Variants in FNDC1 observed in about 807,000 individuals in gnomAD.
FNDC1 encodes the protein fibronectin type III domain-containing protein 1.
FNDC1 carries 96 observed loss-of-function variants against 168.0 expected under a neutral mutation model. The ratio of observed to expected loss-of-function variants is 0.57; its 90% confidence interval spans 0.48 to 0.68. FNDC1 has a LOEUF of 0.68. Ranked by LOEUF, FNDC1 falls within the 30% of genes least tolerant of loss-of-function variation. FNDC1 has a pLI of 0.00. For missense variants in FNDC1, 2,587 were observed against 2,482.1 expected (o/e 1.04, Z -0.90); for synonymous variants, 1,099 against 1,025.9 (o/e 1.07, Z -1.36).
At chr6:159,226,392 G>T (rs1174601415) in intron 8 of FNDC1, 81 bp from the exon 9 acceptor site, 3 of 1,055,494 alleles carry the variant, frequency 2.8e-6, no homozygotes, top group Non-Finnish European at 4.1e-6. Flanking sequence ...AAAAAAATGT[G>T]TACCTAGAGA....
intron 1 of FNDC1, among the ~76,000 whole-genome samples, chr6:159,176,582 G>C (rs898700547): frequency 5.9e-5 from 9 of 152,212 alleles, no homozygotes; most frequent in African/African-American, 2.2e-4. Flanking sequence ...CATGTGCAAG[G>C]AACCAGGAAT....
At chr6:159,237,684 G>C (rs576294127) in intron 12 of FNDC1, among the ~76,000 whole-genome samples, 6 of 152,168 alleles carry the variant, frequency 3.9e-5, no homozygotes, top group Non-Finnish European at 8.8e-5. Flanking sequence ...AATTCATATT[G>C]AAATATATGA....
intron 7 of FNDC1, among the ~76,000 whole-genome samples, chr6:159,224,477 T>TTA (rs770409266): frequency 9.2e-5 from 14 of 152,300 alleles, no homozygotes; most frequent in Middle Eastern, 3.4e-3. Context: ...TATGATGACA[T>TTA]TATATATATA....
intron 1 of FNDC1, among the ~76,000 whole-genome samples, chr6:159,183,099 T>A (rs1781917448): frequency 6.6e-6 from 1 of 152,204 alleles, no homozygotes; most frequent in African/African-American, 2.4e-5. Flanking sequence ...CTCACATGTG[T>A]GGAGTGTTTT....
chr6:159,254,964 C>T (rs1259442775), intron 17 of FNDC1, among the ~76,000 whole-genome samples: 2 of 152,184 alleles, frequency 1.3e-5, no homozygotes, highest in African/African-American at 4.8e-5. Flanking sequence ...ATGCTGTGCT[C>T]ATCTAAGCTA....
rs148846766 is a variant in FNDC1, at chr6:159,229,669, A to T, written c.1181-146A>T. ...TGAGTTCACCTTCTGCTGTGTCTTC[A>T]TGCTCCAGCTGGTGACTTGGCGTGC... On this transcript the variant is annotated intron_variant, in intron 9 of 22. Coordinates refer to ENST00000297267, the MANE Select transcript of FNDC1 (RefSeq NM_032532.3). 201 of 639,396 alleles carry T rather than the reference A, an allele frequency of 3.1e-4. No individual in the cohort carries two copies. The African/African-American group carries it at 3.1e-3, about 10-fold the overall frequency. 39.6% of individuals were successfully genotyped at this position (639,396 alleles called of 1,614,324 possible).
At chr6:159,176,004 A>G (rs906407686) in intron 1 of FNDC1, among the ~76,000 whole-genome samples, 1 of 152,220 alleles carries the variant, frequency 6.6e-6, no homozygotes, top group African/African-American at 2.4e-5. Context: ...GCTGATGCTC[A>G]CAGCGTTAAA....
At chr6:159,244,454 C>T (rs1329667801) in intron 14 of FNDC1, among the ~76,000 whole-genome samples, 2 of 152,204 alleles carry the variant, frequency 1.3e-5, no homozygotes, top group African/African-American at 4.8e-5. Context: ...TCTCTTGGGC[C>T]TCAGAATAGG....
In FNDC1 at chr6:159,231,944, T is replaced by C. The variant is rs754806651; in HGVS notation, c.1432T>C (p.Ser478Pro). Reference protein sequence around the residue: ...DNGKPEKPEPSSPSPRAPASS... With the variant: ...DNGKPEKPEPPSPSPRAPASS... ...TGGGAAACCCGAAAAACCTGAGCCTTCCTCACCTTCTCCCAGAGCTCCAGC... is the reference window on the plus strand; with the variant it reads ...TGGGAAACCCGAAAAACCTGAGCCTCCCTCACCTTCTCCCAGAGCTCCAGC... Residue 478 changes from serine to proline, a missense_variant, in exon 11 of 23, where the codon TCC (serine) becomes CCC (proline). Coordinates refer to ENST00000297267, the MANE Select transcript of FNDC1 (RefSeq NM_032532.3). 2.5e-6 allele frequency: 4 copies of C among 1,613,864 alleles called. No homozygotes were observed. The Admixed American group carries it at 6.7e-5, about 27-fold the overall frequency.
chr6:159,249,285 A>G, intron 16 of FNDC1, 103 bp downstream of exon 16: 1 of 1,144,620 alleles, frequency 8.7e-7, no homozygotes, highest in Non-Finnish European at 1.2e-6. Context: ...GTGCATTTTG[A>G]GAAGTTTTTC....
chr6:159,182,819 T>A (rs1156414943), intron 1 of FNDC1, among the ~76,000 whole-genome samples: 1 of 152,258 alleles, frequency 6.6e-6, no homozygotes, highest in African/African-American at 2.4e-5. Flanking sequence ...CTGAAGACTA[T>A]TTTGGATTTA....
At chr6:159,206,141 G>T (rs1007097022) in intron 4 of FNDC1, among the ~76,000 whole-genome samples, 1 of 152,216 alleles carries the variant, frequency 6.6e-6, no homozygotes, top group African/African-American at 2.4e-5. Flanking sequence ...GCAAAGCAAG[G>T]GCTCCACCAG....
At chr6:159,195,122 G>A (rs1782217705) in intron 1 of FNDC1, among the ~76,000 whole-genome samples, 1 of 151,990 alleles carries the variant, frequency 6.6e-6, no homozygotes, top group South Asian at 2.1e-4. Flanking sequence ...GGAGATTGAC[G>A]GTAAGGTTGC....
At chr6:159,202,369 C>T (rs1346770931) in intron 4 of FNDC1, among the ~76,000 whole-genome samples, 1 of 152,132 alleles carries the variant, frequency 6.6e-6, no homozygotes. Flanking sequence ...GTATCTATAC[C>T]TTTTGATGAG....
rs56665061 is a variant in FNDC1, at chr6:159,247,742, C to CA, written c.4690+781dup. Among the ~76,000 whole-genome samples, 1,214 of 151,524 alleles carry CA rather than the reference C, an allele frequency of 8.0e-3. 17 individuals carry two copies. The highest frequency in any genetic ancestry group is 0.014 in the Middle Eastern group (4 of 290). On this transcript the variant is annotated intron_variant, in intron 15 of 22. Transcript: ENST00000297267. ...TGAGAGAGCAACACCCCATTTCAAA[C>CA]AAAAAAAACACTTTTTTTTTAAGGT...
chr6:159,173,367 T>C (rs984944565), intron 1 of FNDC1, among the ~76,000 whole-genome samples: 5 of 152,212 alleles, frequency 3.3e-5, no homozygotes, highest in Non-Finnish European at 7.3e-5. Flanking sequence ...TGCATGTGGC[T>C]TTATGGGGTT....
intron 19 of FNDC1, among the ~76,000 whole-genome samples, chr6:159,264,227 A>G (rs138907551): frequency 1.8e-4 from 27 of 152,348 alleles, no homozygotes; most frequent in African/African-American, 6.5e-4. Flanking sequence ...TGTGCAATGC[A>G]GCTTTCCCAG....
chr6:159,238,729 A>G (rs1783327008), intron 13 of FNDC1, 64 bp downstream of exon 13: 6 of 1,070,370 alleles, frequency 5.6e-6, no homozygotes, highest in Non-Finnish European at 5.4e-6. Context: ...TACAGCTTCT[A>G]TCTTCCTTCT....
Position 159,229,123 on chromosome 6 carries a change from G to T in FNDC1, c.1181-692G>T, listed in dbSNP as rs1011477526. 3.4e-5 allele frequency among the ~76,000 whole-genome samples: 5 copies of T among 145,684 alleles called. 1 individual carries two copies. The East Asian group carries it at 6.4e-4, about 19-fold the overall frequency. On this transcript the variant is annotated intron_variant, in intron 9 of 22. Coordinates refer to ENST00000297267, the MANE Select transcript of FNDC1 (RefSeq NM_032532.3). ...TCCATGTGAGCATAAACATATTTTA[G>T]TTCCTTGAACTGAATTTGCTTTGGT...
Sources: allele counts gnomAD v4.1 joint callset (sites outside exome capture counted in the v4.1 genomes callset), GRCh38; gene constraint gnomAD v4.1.1; transcripts MANE v1.5; gene names NCBI Gene and HGNC (gene_info 2026-07-23, HGNC 2026-07-21).